The following RBP5 variants were observed in gnomAD, a reference collection of about 807,000 sequenced individuals.
RBP5 encodes retinol binding protein 5, also known as retinol-binding protein 5.
RBP5 carries 12 observed loss-of-function variants against 17.8 expected under a neutral mutation model. That is an observed-to-expected ratio of 0.67 (90% CI 0.43 to 1.09). The LOEUF (loss-of-function observed/expected upper bound fraction) is 1.09, where lower values mean the gene tolerates loss of function less well. RBP5 is among the 50% of genes least tolerant of loss of function. RBP5 has a pLI of 0.00. For missense variants in RBP5, 172 were observed against 169.4 expected (o/e 1.02, Z -0.09); for synonymous variants, 64 against 68.1 (o/e 0.94, Z 0.30).
chr12:7,127,732 G>T (rs1046970301), intron 2 of RBP5: 13 of 702,170 alleles, frequency 1.9e-5, no homozygotes, highest in Non-Finnish European at 3.4e-5. Context: ...GAAGCAGAAG[G>T]CATGGGTGTA....
At chr12:7,122,431 T>G (rs764253093), downstream of RBP5, 58 of 152,284 alleles carry the variant, frequency 3.8e-4, no homozygotes, top group African/African-American at 1.4e-3. Context: ...TTTTGAGGGA[T>G]TGAGCCCACT....
chr12:7,126,513 GT>G (rs1381391776), intron 2 of RBP5, among the ~76,000 whole-genome samples: 21,077 of 120,008 alleles, frequency 0.18, 1,793 homozygotes, highest in East Asian at 0.26. Flanking sequence ...TGGTGGTGGT[GT>G]GTGTGTGTGT....
At chr12:7,120,310 C>T (rs781379889), downstream of RBP5, among the ~76,000 whole-genome samples, 1 of 152,264 alleles carries the variant, frequency 6.6e-6, no homozygotes, top group East Asian at 1.9e-4. Flanking sequence ...CAGGTTCCCA[C>T]AGAGCAATGC....
At position 7,124,726 on chromosome 12, in the gene RBP5, A is replaced by T; in HGVS notation, c.257T>A (p.Ile86Lys). The T allele has an allele frequency of 6.3e-7, 1 of 1,597,726 alleles. No homozygotes were observed. The highest frequency in any genetic ancestry group is 8.6e-7 in the Non-Finnish European group (1 of 1,165,414). ...CAGGTGCTCCTCCTCCCAGGTTACTATGGTCTATAGGGGAAAGAGGGAGTA... is the reference window on the plus strand; with the variant it reads ...CAGGTGCTCCTCCTCCCAGGTTACTTTGGTCTATAGGGGAAAGAGGGAGTA... ...RSVDGRKCQT[I>K]VTWEEEHLVC... is the part of the protein sequence containing the mutation. Residue 86 changes from isoleucine (I) to lysine (K), a missense_variant, in exon 3 of 4, where the codon ATA (isoleucine) becomes AAA (lysine). Ile to Lys is a moderately radical substitution (Grantham distance 102). Coordinates refer to ENST00000266560, the MANE Select transcript of RBP5 (RefSeq NM_031491.4). The surrounding 1 kb of genome is among the most constrained non-coding windows in gnomAD (Gnocchi z 5.3).
At chr12:7,126,534 T>G (rs1245394876) in intron 2 of RBP5, among the ~76,000 whole-genome samples, 2 of 148,798 alleles carry the variant, frequency 1.3e-5, no homozygotes, top group South Asian at 2.1e-4. Flanking sequence ...TGTGTGTGTG[T>G]GTGTGTGTGT....
At position 7,128,250 on chromosome 12, in the gene RBP5, C is replaced by T. The variant is rs187594426; in HGVS notation, c.242G>A (p.Arg81Gln). ...FEEDLRSVDG[R>Q]KCQTIVTWEE... is the part of the protein sequence containing the mutation. ...CCAGGGGAAATGTACCTGGCATTTT[C>T]GTCCGTCCACGCTCCTGAGGTCCTC... The change falls in exon 2 of 4, where the codon CGA becomes CAA. Residue 81 changes from arginine to glutamine, a missense_variant. Transcript: ENST00000266560. This position sits in a 1 kb window ranked among gnomAD's most constrained non-coding sequence, Gnocchi z 5.3. The T allele has an allele frequency of 7.5e-6, 12 of 1,609,842 alleles. No homozygotes were observed. The highest frequency in any genetic ancestry group is 4.0e-5 in the African/African-American group (3 of 74,900).
rs1939017936 is a variant in RBP5, at chr12:7,117,322, G to A, written n.890-15C>T. On this transcript the variant is annotated splice_polypyrimidine_tract_variant and intron_variant and non_coding_transcript_variant, in intron 3 of 3. Transcript: ENST00000619522. This position sits in a 1 kb window ranked among gnomAD's most constrained non-coding sequence, Gnocchi z 4.9. The stretch of plus-strand genomic sequence containing the variant: ...ACACAGACAACCCGATGTGGAAGGA[G>A]ACATCACAAGGACAGGAATACTGGG... 6.6e-6 allele frequency: 1 copy of A among 152,238 alleles called. No homozygotes were observed. Among genetic ancestry groups the A allele is most frequent in the South Asian group, 2.1e-4 (1 of 4,826 alleles). 9.4% of individuals were successfully genotyped at this position (152,238 alleles called of 1,614,324 possible).
downstream of RBP5, chr12:7,120,465 T>G (rs1239805167): frequency 1.3e-5 from 2 of 155,570 alleles, no homozygotes; most frequent in Non-Finnish European, 2.9e-5. Context: ...CTTTCTGTCC[T>G]CCATGCAAAC....
intron 2 of RBP5, among the ~76,000 whole-genome samples, chr12:7,127,141 C>T (rs961592972): frequency 1.3e-5 from 2 of 152,028 alleles, no homozygotes; most frequent in East Asian, 3.9e-4. Flanking sequence ...TACAGGCATG[C>T]GCCACCATGC....
intron 2 of RBP5, chr12:7,127,540 ATTG>A (rs1939193267): frequency 1.6e-6 from 1 of 634,054 alleles, no homozygotes; most frequent in South Asian, 1.8e-5. Context: ...ATCATTTTGT[ATTG>A]TTATTTTTTA....
rs1024747783 is a variant in RBP5 at position 7,124,917 on chromosome 12, G to GT, written c.253-188dup. ...TTCCACCCTACTCTTTGTTTTTTGT[G>GT]TTTTTTTGAGACAAGTTCTTGCTCT... On this transcript the variant is annotated intron_variant, in intron 2 of 3. Coordinates refer to ENST00000266560, the MANE Select transcript of RBP5 (RefSeq NM_031491.4). This position sits in a 1 kb window ranked among gnomAD's most constrained non-coding sequence, Gnocchi z 5.3. 6.6e-6 allele frequency among the ~76,000 whole-genome samples: 1 copy of GT among 151,974 alleles called. No individual in the cohort carries two copies. Among genetic ancestry groups the GT allele is most frequent in the Non-Finnish European group, 1.5e-5 (1 of 67,976 alleles).
chr12:7,121,535 G>A (rs1380138766), downstream of RBP5, among the ~76,000 whole-genome samples: 5 of 152,184 alleles, frequency 3.3e-5, no homozygotes, highest in East Asian at 5.8e-4. Flanking sequence ...AGGGGTACAC[G>A]GCTAGACCTT....
In RBP5 at chr12:7,123,915, C is replaced by T; in HGVS notation, c.*206G>A. 2 of 582,498 alleles carry T rather than the reference C, an allele frequency of 3.4e-6. No homozygotes were observed. The highest frequency in any genetic ancestry group is 1.9e-5 in the African/African-American group (1 of 53,766). The allele number at this position is 582,498 out of a possible 1,614,324, so 36.1% of individuals were successfully genotyped here. ...AGACCTTGACCTGGAAGTGAGGTCA[C>T]TATTGGGCAGTGGAGTGTGAGAAAG... On this transcript the variant is annotated 3_prime_UTR_variant, in exon 4 of 4. Transcript: ENST00000266560.
At chr12:7,129,868 G>A (rs2290234), upstream of RBP5, 175,507 of 959,428 alleles carry the variant, frequency 0.18, 17,343 homozygotes, top group Middle Eastern at 0.22. The surrounding 1 kb of genome is among the most constrained non-coding windows in gnomAD (Gnocchi z 5.5). Flanking sequence ...CCCCTCCTTG[G>A]GTCCCAGAGC....
downstream of RBP5, among the ~76,000 whole-genome samples, chr12:7,119,248 G>A: frequency 6.6e-6 from 1 of 152,030 alleles, no homozygotes; most frequent in Non-Finnish European, 1.5e-5. Context: ...TGGAGCTGAT[G>A]ACTGTGCAGC....
At chr12:7,118,896 TAGA>T (rs746063658), downstream of RBP5, 100 of 153,282 alleles carry the variant, frequency 6.5e-4, 1 homozygote, top group East Asian at 1.7e-3. Flanking sequence ...AAAATCATTT[TAGA>T]AGAAGAAGAA....
rs1367489075 is a variant in RBP5 at position 7,128,585 on chromosome 12, G to A, written c.73+118C>T. ...ATGGATCCCAGGTCTGGTGCCAGCC[G>A]CCTGAGCCTTTCCACAGTGTCCAAC... is the stretch of plus-strand genomic sequence containing the variant. On this transcript the variant is annotated intron_variant, in intron 1 of 3. Transcript: ENST00000266560. The surrounding 1 kb of genome is among the most constrained non-coding windows in gnomAD (Gnocchi z 5.3). 2.1e-5 allele frequency: 25 copies of A among 1,211,190 alleles called. No homozygotes were observed. The highest frequency in any genetic ancestry group is 2.6e-5 in the Non-Finnish European group (22 of 839,678). The allele number at this position is 1,211,190 out of a possible 1,614,324, so 75.0% of individuals were successfully genotyped here.
downstream of RBP5, chr12:7,122,176 C>G (rs1158758798): frequency 6.6e-6 from 1 of 152,062 alleles, no homozygotes; most frequent in Non-Finnish European, 1.5e-5. Flanking sequence ...TTGGAGAATC[C>G]CTGGCTTCTA....
At chr12:7,129,704 C>T (rs1400058166), upstream of RBP5, 7 of 985,456 alleles carry the variant, frequency 7.1e-6, no homozygotes, top group East Asian at 2.3e-4. The surrounding 1 kb of genome is among the most constrained non-coding windows in gnomAD (Gnocchi z 5.5). Context: ...GCCCAATTCT[C>T]TCTCGAACCT....
Sources: gnomAD v4.1 joint callset for allele counts (sites outside exome capture counted in the v4.1 genomes callset) on GRCh38, gnomAD v4.1.1 for gene constraint, Gnocchi (gnomAD v3.1) non-coding constraint, MANE v1.5 for transcripts, NCBI Gene and HGNC (gene_info 2026-07-23, HGNC 2026-07-21) for gene names.